The following CLUL1 variants were observed in gnomAD, a reference collection of about 807,000 sequenced individuals.
CLUL1 encodes the protein clusterin-like protein 1.
A neutral mutation model predicts 49.4 loss-of-function variants in CLUL1; 43 were observed. The observed-to-expected ratio is 0.87, with a 90% confidence interval of 0.68 to 1.12. CLUL1 has a LOEUF of 1.12. Ranked by LOEUF, CLUL1 falls within the 50% of genes most tolerant of loss-of-function variation. The probability of loss-of-function intolerance (pLI) is 0.00; values close to 1 mark genes in which losing one functional copy is unlikely to be tolerated. For missense variants in CLUL1, 486 were observed against 544.4 expected, an observed-to-expected ratio of 0.89 and a Z score of 1.07; for synonymous variants, 192 against 184.9, an observed-to-expected ratio of 1.04 and a Z score of -0.31.
chr18:647,601 G>A (rs1397320861), intron 9 of CLUL1, among the ~76,000 whole-genome samples: 1 of 152,112 alleles, frequency 6.6e-6, no homozygotes, highest in African/African-American at 2.4e-5. Context: ...CTTGCCAGGA[G>A]GAATCTGGCT....
chr18:626,864 TAAGAAAGAAAGAAAGAA>T (rs2073738027), intron 5 of CLUL1, among the ~76,000 whole-genome samples: 11 of 70,798 alleles, frequency 1.6e-4, no homozygotes, highest in Admixed American at 2.3e-4. Context: ...CCATCTCAAA[TAAGAAAGAAAGAAAGAA>T]AGAAAGAAAG....
At chr18:611,252 T>C (rs2073126651) in intron 2 of CLUL1, among the ~76,000 whole-genome samples, 1 of 123,070 alleles carries the variant, frequency 8.1e-6, no homozygotes, top group Non-Finnish European at 1.7e-5. Context: ...TTTTTTTTTT[T>C]AGTAGTACAG....
rs769798151 is a variant in CLUL1, at chr18:619,334, C to T, written c.228C>T (p.Thr76=). ...AGGAACACACCAATCTAATGAGCAC[C>T]CTGAAGAAATGCAGAGAAGAAAAGC... ...KEKEHTNLMS[T]LKKCREEKQE... is the part of the protein sequence containing the mutation. The change falls in exon 4 of 10, where the codon ACC becomes ACT. Residue 76 remains threonine (T), a synonymous_variant. Transcript: ENST00000692774. 3.1e-6 allele frequency: 5 copies of T among 1,612,252 alleles called. No homozygotes were observed. The African/African-American group carries it at 6.7e-5, about 22-fold the overall frequency.
intron 6 of CLUL1, among the ~76,000 whole-genome samples, chr18:629,040 A>G (rs1167853400): frequency 6.6e-6 from 1 of 152,150 alleles, no homozygotes; most frequent in Admixed American, 6.5e-5. Context: ...TCGCCATGAC[A>G]TTACATAACT....
rs2072985232 is a variant in CLUL1, at chr18:606,845, C to G, written c.-135-133C>G. On this transcript the variant is annotated intron_variant, in intron 1 of 9. Transcript: ENST00000692774. This position sits in a 1 kb window ranked among gnomAD's most constrained non-coding sequence, Gnocchi z 4.1. ...GAATGTTCTTGGGCATCTGCCTTCC[C>G]CCACCAGCACCCCCCACAAGGCAAG... 3 of 494,818 alleles carry G rather than the reference C, an allele frequency of 6.1e-6. No individual in the cohort carries two copies. The highest frequency in any genetic ancestry group is 6.0e-5 in the East Asian group (2 of 33,076). The allele number at this position is 494,818 out of a possible 1,614,324, so 30.7% of individuals were successfully genotyped here. A position where few individuals can be genotyped will look rare whatever the true frequency, so the allele number is the denominator to read the frequency against.
intron 5 of CLUL1, among the ~76,000 whole-genome samples, chr18:625,431 A>G (rs999223073): frequency 1.2e-4 from 19 of 152,126 alleles, no homozygotes; most frequent in African/African-American, 4.1e-4. Flanking sequence ...TTCAATCCAC[A>G]TTAATTTTTC....
chr18:621,472 C>G (rs1354636146), intron 4 of CLUL1, among the ~76,000 whole-genome samples: 1 of 152,148 alleles, frequency 6.6e-6, no homozygotes, highest in Non-Finnish European at 1.5e-5. Flanking sequence ...CAGCTGCAAA[C>G]CCTTCTCCCT....
intron 4 of CLUL1, among the ~76,000 whole-genome samples, chr18:621,733 A>G (rs1427857879): frequency 1.3e-5 from 2 of 152,212 alleles, no homozygotes; most frequent in Admixed American, 6.5e-5. Context: ...GTTAATTAAC[A>G]TGTTACTCCA....
At chr18:625,778 G>C (rs2073669583) in intron 5 of CLUL1, among the ~76,000 whole-genome samples, 1 of 152,156 alleles carries the variant, frequency 6.6e-6, no homozygotes, top group African/African-American at 2.4e-5. Flanking sequence ...CTCCATATTA[G>C]AGCACATACT....
chr18:599,841 A>G (rs1159501909), intron 1 of CLUL1, among the ~76,000 whole-genome samples: 2 of 151,878 alleles, frequency 1.3e-5, no homozygotes, highest in East Asian at 1.9e-4. Context: ...CCAGCTACTC[A>G]GGAGGCTGAG....
In CLUL1 at chr18:619,772, T is replaced by A. The variant is rs2073430669; in HGVS notation, c.255+411T>A. On this transcript the variant is annotated intron_variant, in intron 4 of 9. Coordinates refer to ENST00000692774, the MANE Select transcript of CLUL1 (RefSeq NM_001393344.1). Reference sequence around the variant, plus strand: ...TCTCGCTCTGTCACCCAGGCTGGAGTTGATCCCGCTCATTGCAACCTCCAC... The same window carrying A: ...TCTCGCTCTGTCACCCAGGCTGGAGATGATCCCGCTCATTGCAACCTCCAC... Among the ~76,000 whole-genome samples, 3 of 151,996 alleles carry A rather than the reference T, an allele frequency of 2.0e-5. No homozygotes were observed. The South Asian group carries it at 6.2e-4, about 32-fold the overall frequency.
chr18:645,249 C>A, intron 9 of CLUL1, 152 bp downstream of exon 9: 1 of 530,430 alleles, frequency 1.9e-6, no homozygotes, highest in South Asian at 4.8e-5. Flanking sequence ...TTCTGCCTAT[C>A]AGATTTGCAA....
chr18:613,458 A>ATT (rs34283672), intron 2 of CLUL1, among the ~76,000 whole-genome samples: 176 of 120,864 alleles, frequency 1.5e-3, no homozygotes, highest in Middle Eastern at 6.4e-3. Flanking sequence ...TTTAGTCTGA[A>ATT]TTTTTTTTTT....
At chr18:645,200 C>A (rs566032700) in intron 9 of CLUL1, 103 bp downstream of exon 9, 3 of 856,090 alleles carry the variant, frequency 3.5e-6, no homozygotes, top group Non-Finnish European at 5.2e-6. Context: ...ACATGTTTAA[C>A]CTCATTAATA....
intron 6 of CLUL1, among the ~76,000 whole-genome samples, chr18:629,190 G>A (rs1238329218): frequency 6.6e-6 from 1 of 152,124 alleles, no homozygotes; most frequent in Non-Finnish European, 1.5e-5. Flanking sequence ...GAGTCCAGTG[G>A]ACTTTTTTTA....
intron 7 of CLUL1, 47 bp from the exon 8 acceptor site, chr18:641,280 A>G: frequency 1.9e-6 from 3 of 1,558,894 alleles, no homozygotes; most frequent in Non-Finnish European, 2.7e-6. Context: ...CCCACCTCCA[A>G]GTTTCATGGA....
chr18:623,515 C>T lies in CLUL1; in HGVS notation c.256-1350C>T, dbSNP rs572220978. On this transcript the variant is annotated intron_variant, in intron 4 of 9. Transcript: ENST00000692774. ...CAAAAATTAGCCCGGCATGGTGGCA[C>T]GCACCTGTACTCCCAGCTACTGGGG... Among the ~76,000 whole-genome samples the T allele has an allele frequency of 5.9e-5, 9 of 151,996 alleles. No individual in the cohort carries two copies. The South Asian group carries it at 1.0e-3, about 18-fold the overall frequency.
intron 4 of CLUL1, among the ~76,000 whole-genome samples, chr18:623,891 G>A (rs1404610299): frequency 6.6e-6 from 1 of 152,124 alleles, no homozygotes; most frequent in Non-Finnish European, 1.5e-5. Context: ...TGATTCTTTG[G>A]GCTTAATACT....
chr18:620,471 A>C (rs1324852923), intron 4 of CLUL1, among the ~76,000 whole-genome samples: 3 of 152,088 alleles, frequency 2.0e-5, no homozygotes, highest in Non-Finnish European at 4.4e-5. Context: ...GTTCTCTTAC[A>C]TGGCAACTCA....
Sources: allele counts gnomAD v4.1 joint callset (sites outside exome capture counted in the v4.1 genomes callset), GRCh38; gene constraint gnomAD v4.1.1; non-coding constraint Gnocchi (gnomAD v3.1); transcripts MANE v1.5; gene names NCBI Gene and HGNC (gene_info 2026-07-23, HGNC 2026-07-21).